The following PLCB4 variants were observed in gnomAD, a reference collection of about 807,000 sequenced individuals.
PLCB4 encodes the protein 1-phosphatidylinositol 4,5-bisphosphate phosphodiesterase beta-4.
A neutral mutation model predicts 178.8 loss-of-function variants in PLCB4; 77 were observed. The ratio of observed to expected loss-of-function variants is 0.43; its 90% CI spans 0.36 to 0.52. The LOEUF (loss-of-function observed/expected upper bound fraction) is 0.52, where lower values mean the gene tolerates loss of function less well. Ranked by LOEUF, PLCB4 falls within the 20% of genes least tolerant of loss-of-function variation. The pLI is 0.00. For synonymous variants in PLCB4, 496 were observed against 490.8 expected (o/e 1.01, Z -0.14); for missense variants, 1,024 against 1,453.4 (o/e 0.70, Z 4.80).
Position 9,479,283 on chromosome 20 carries a change from A to G in PLCB4, c.*274A>G. 1 of 416,802 alleles carries G rather than the reference A, an allele frequency of 2.4e-6. No individual in the cohort carries two copies. The highest frequency in any genetic ancestry group is 4.4e-6 in the Non-Finnish European group (1 of 228,180). 25.8% of individuals were successfully genotyped at this position (416,802 alleles called of 1,614,324 possible). ...ACAACTTAAACATGTTTGCTATAAA[A>G]TACCATCACAAGTAAATGAGCTTGG... is the stretch of plus-strand genomic sequence containing the variant. On this transcript the variant is annotated 3_prime_UTR_variant, in exon 40 of 40. Coordinates refer to ENST00000378473, the MANE Select transcript of PLCB4 (RefSeq NM_001377142.1).
chr20:9,418,503 G>C (rs774958838), intron 25 of PLCB4, among the ~76,000 whole-genome samples: 1 of 152,074 alleles, frequency 6.6e-6, no homozygotes, highest in African/African-American at 2.4e-5. Flanking sequence ...TATAGACTTT[G>C]ATTCTGTCTC....
intron 1 of PLCB4, among the ~76,000 whole-genome samples, chr20:9,086,652 G>T (rs1252609968): frequency 6.6e-6 from 1 of 152,096 alleles, no homozygotes; most frequent in Non-Finnish European, 1.5e-5. Context: ...CTTCCATGTG[G>T]TCTTCCCCTC....
chr20:9,291,289 C>T (rs1233736016), intron 3 of PLCB4, among the ~76,000 whole-genome samples: 1 of 152,110 alleles, frequency 6.6e-6, no homozygotes, highest in Non-Finnish European at 1.5e-5. Context: ...GCTGGTCTAT[C>T]AGAAAAAGCC....
At chr20:9,243,851 T>C (rs547116766) in intron 3 of PLCB4, among the ~76,000 whole-genome samples, 45 of 152,336 alleles carry the variant, frequency 3.0e-4, no homozygotes, top group African/African-American at 1.1e-3. Flanking sequence ...GAACTACTCA[T>C]TATTATCTCA....
chr20:9,405,101 G>A (rs1051036228), intron 20 of PLCB4, among the ~76,000 whole-genome samples: 7 of 152,132 alleles, frequency 4.6e-5, no homozygotes, highest in Admixed American at 3.9e-4. Context: ...GACTGTCCAC[G>A]AAGGAGGGAA....
rs1173141055 is a variant in PLCB4, at chr20:9,380,741, T to C, written c.853+579T>C. On this transcript the variant is annotated intron_variant, in intron 13 of 39. Coordinates refer to ENST00000378473, the MANE Select transcript of PLCB4 (RefSeq NM_001377142.1). ...ACAAATATTTGTCAAAGGAAAGGCA[T>C]GGGGAGAAATTTTAAAATCAGTCCC... is the stretch of plus-strand genomic sequence containing the variant. Among the ~76,000 whole-genome samples the C allele has an allele frequency of 3.3e-5, 5 of 152,124 alleles. No individual in the cohort carries two copies. The East Asian group carries it at 5.8e-4, about 18-fold the overall frequency.
intron 3 of PLCB4, among the ~76,000 whole-genome samples, chr20:9,241,701 C>T (rs2094064700): frequency 6.6e-6 from 1 of 152,168 alleles, no homozygotes; most frequent in African/African-American, 2.4e-5. Flanking sequence ...CATGGGAAGG[C>T]AGGCAGGAGC....
At chr20:9,386,179 G>C (rs1374451290) in intron 14 of PLCB4, among the ~76,000 whole-genome samples, 1 of 152,090 alleles carries the variant, frequency 6.6e-6, no homozygotes, top group Non-Finnish European at 1.5e-5. Context: ...CGGAAGTCCG[G>C]GGCAGGGAGG....
At chr20:9,279,739 C>T (rs975526514) in intron 3 of PLCB4, among the ~76,000 whole-genome samples, 5 of 152,084 alleles carry the variant, frequency 3.3e-5, no homozygotes, top group Non-Finnish European at 7.4e-5. Flanking sequence ...TGCTGACCTT[C>T]ACTCCAGTGA....
intron 20 of PLCB4, among the ~76,000 whole-genome samples, chr20:9,402,147 G>T (rs910732226): frequency 6.6e-6 from 1 of 152,230 alleles, no homozygotes; most frequent in Admixed American, 6.5e-5. Context: ...ATGGCCCCCT[G>T]TAGTTTAGGG....
intron 2 of PLCB4, among the ~76,000 whole-genome samples, chr20:9,105,922 A>G (rs902517987): frequency 5.3e-5 from 8 of 152,098 alleles, no homozygotes; most frequent in East Asian, 1.9e-4. Flanking sequence ...ACTAGAAACC[A>G]TGAAGGAAAG....
chr20:9,263,951 T>C (rs1427586687), intron 3 of PLCB4, among the ~76,000 whole-genome samples: 1 of 152,236 alleles, frequency 6.6e-6, no homozygotes, highest in Non-Finnish European at 1.5e-5. Context: ...AGGTTACTTA[T>C]ATTCAATCAT....
intron 3 of PLCB4, among the ~76,000 whole-genome samples, chr20:9,275,622 A>C (rs1054375790): frequency 6.6e-6 from 1 of 152,042 alleles, no homozygotes; most frequent in Non-Finnish European, 1.5e-5. Flanking sequence ...TCACGGCCAC[A>C]GTCTAATTTT....
At chr20:9,110,209 T>TA (rs1490644924) in intron 2 of PLCB4, among the ~76,000 whole-genome samples, 2 of 152,014 alleles carry the variant, frequency 1.3e-5, no homozygotes, top group Non-Finnish European at 1.5e-5. Context: ...GTTTTTTTTT[T>TA]AAAACATATA....
chr20:9,372,766 C>T (rs1336093090), intron 11 of PLCB4, among the ~76,000 whole-genome samples: 1 of 150,698 alleles, frequency 6.6e-6, no homozygotes, highest in Non-Finnish European at 1.5e-5. Context: ...GGATGACTTA[C>T]ATGTTGTTTT....
At position 9,403,523 on chromosome 20, in the gene PLCB4, T is replaced by C. The variant is rs1275164818; in HGVS notation, c.1612-1790T>C. Among the ~76,000 whole-genome samples, 8 of 152,164 alleles carry C rather than the reference T, an allele frequency of 5.3e-5. No homozygotes were observed. The South Asian group carries it at 1.7e-3, about 32-fold the overall frequency. On this transcript the variant is annotated intron_variant, in intron 20 of 39. Transcript: ENST00000378473. ...TTGAGCAAAAAAAACAATTCCCAAA[T>C]TGGGCAGGACCCAAACCAGAAGAGG... is the stretch of plus-strand genomic sequence containing the variant.
intron 4 of PLCB4, among the ~76,000 whole-genome samples, chr20:9,328,739 A>C (rs2148009416): frequency 6.6e-6 from 1 of 152,314 alleles, no homozygotes; most frequent in South Asian, 2.1e-4. Flanking sequence ...AATAGGTATA[A>C]ATAGTGAAGC....
intron 27 of PLCB4, among the ~76,000 whole-genome samples, chr20:9,422,604 A>G (rs995632154): frequency 1.3e-5 from 2 of 152,194 alleles, no homozygotes; most frequent in Non-Finnish European, 2.9e-5. Flanking sequence ...ATGAGAAAAT[A>G]CCCAGCTTAG....
intron 2 of PLCB4, among the ~76,000 whole-genome samples, chr20:9,202,909 G>A (rs2093564757): frequency 6.6e-6 from 1 of 151,766 alleles, no homozygotes; most frequent in Admixed American, 6.6e-5. Context: ...TGAAAAGTTT[G>A]CAGACTCCAG....
Sources: allele counts gnomAD v4.1 joint callset (sites outside exome capture counted in the v4.1 genomes callset), GRCh38; gene constraint gnomAD v4.1.1; transcripts MANE v1.5; gene names NCBI Gene and HGNC (gene_info 2026-07-23, HGNC 2026-07-21).